The following CNGA1 variants were observed in gnomAD, a reference collection of about 807,000 sequenced individuals.
The protein encoded by CNGA1 is cyclic nucleotide-gated channel alpha-1.
CNGA1 carries 53 observed loss-of-function variants against 69.7 expected under a neutral mutation model. The ratio of observed to expected loss-of-function variants is 0.76; its 90% confidence interval spans 0.61 to 0.96. The LOEUF (loss-of-function observed/expected upper bound fraction) is 0.96. Ranked by LOEUF, CNGA1 falls within the 40% of genes least tolerant of loss-of-function variation. The pLI, the probability that CNGA1 is intolerant of heterozygous loss-of-function variation, is 0.00. For missense variants in CNGA1, 739 were observed against 811.2 expected (o/e 0.91, Z 1.08); for synonymous variants, 249 against 283.5 (o/e 0.88, Z 1.22).
rs554690777 is a variant in CNGA1 at position 48,005,265 on chromosome 4, G to A, written c.-123+5529C>T. 3.0e-3 allele frequency among the ~76,000 whole-genome samples: 455 copies of A among 152,138 alleles called. 1 individual carries two copies. Among genetic ancestry groups the A allele is most frequent in the Non-Finnish European group, 5.0e-3 (339 of 68,000 alleles). On this transcript the variant is annotated intron_variant, in intron 2 of 10. Coordinates refer to ENST00000514170, the MANE Select transcript of CNGA1 (RefSeq NM_001379270.1). ...CCTGAGTAGCTGGGATTACAGGCAT[G>A]TGCCACCACGCCTGGCTAATTTTTG...
chr4:47,992,714 G>T (rs1335532739), intron 2 of CNGA1, among the ~76,000 whole-genome samples: 2 of 151,220 alleles, frequency 1.3e-5, no homozygotes, highest in African/African-American at 2.4e-5. Context: ...CTGGCTAGGA[G>T]TTCCAGTGCT....
At chr4:48,000,795 A>G (rs1027181668) in intron 2 of CNGA1, among the ~76,000 whole-genome samples, 2 of 152,250 alleles carry the variant, frequency 1.3e-5, no homozygotes, top group Non-Finnish European at 2.9e-5. Context: ...ATGTAAGCTT[A>G]GAATATAACA....
In CNGA1 at chr4:47,937,421, A is replaced by C; in HGVS notation, c.1061T>G (p.Leu354Arg). Reference protein sequence around the residue: ...KYVYSLYWSTLTLTTIGETPP... With the variant: ...KYVYSLYWSTRTLTTIGETPP... ...TGTTTCACCAATGGTAGTCAAAGTC[A>C]GTGTAGACCAGTAAAGGCTGTATAC... The change falls in exon 11 of 11, where the codon CTG (leucine) becomes CGG (arginine). Residue 354 changes from leucine (L) to arginine (R), a missense_variant. By Grantham distance (102) the Leu-to-Arg change is moderately radical. Coordinates refer to ENST00000514170, the MANE Select transcript of CNGA1 (RefSeq NM_001379270.1). 1 of 1,614,206 alleles carries C rather than the reference A, an allele frequency of 6.2e-7. No individual in the cohort carries two copies. The highest frequency in any genetic ancestry group is 8.5e-7 in the Non-Finnish European group (1 of 1,180,030).
At chr4:47,957,041 C>A (rs1251998521) in intron 3 of CNGA1, among the ~76,000 whole-genome samples, 1 of 152,150 alleles carries the variant, frequency 6.6e-6, no homozygotes, top group Non-Finnish European at 1.5e-5. Context: ...TCAAGTGATT[C>A]TCCTGCCTTG....
At chr4:47,956,150 T>A (rs1740073653) in intron 3 of CNGA1, among the ~76,000 whole-genome samples, 1 of 152,220 alleles carries the variant, frequency 6.6e-6, no homozygotes, top group South Asian at 2.1e-4. Context: ...GTCAATTAAA[T>A]GCATTTGTAT....
At chr4:47,963,350 C>G (rs2110182265) in intron 3 of CNGA1, among the ~76,000 whole-genome samples, 1 of 152,314 alleles carries the variant, frequency 6.6e-6, no homozygotes, top group Non-Finnish European at 1.5e-5. Context: ...AACCTAGAAG[C>G]AGTTATAATT....
At chr4:47,996,770 C>T (rs1742490137) in intron 2 of CNGA1, among the ~76,000 whole-genome samples, 1 of 151,970 alleles carries the variant, frequency 6.6e-6, no homozygotes, top group Admixed American at 6.6e-5. Context: ...GATTTTAAGT[C>T]TTTTAGGGGC....
chr4:47,970,231 T>A (rs1008569463), intron 3 of CNGA1, among the ~76,000 whole-genome samples: 14 of 152,040 alleles, frequency 9.2e-5, no homozygotes, highest in Admixed American at 5.9e-4. Context: ...TTATGCAGAA[T>A]AACTATGAGG....
At chr4:47,992,135 G>T (rs1056435561) in intron 2 of CNGA1, among the ~76,000 whole-genome samples, 1 of 152,054 alleles carries the variant, frequency 6.6e-6, no homozygotes, top group Non-Finnish European at 1.5e-5. Context: ...GCTTAGTCTT[G>T]CTTTGGCTAT....
intron 3 of CNGA1, among the ~76,000 whole-genome samples, chr4:47,965,634 C>G (rs1037695131): frequency 3.3e-5 from 5 of 151,934 alleles, no homozygotes; most frequent in African/African-American, 1.2e-4. Context: ...ACCATGTTGG[C>G]CAGGCTGGTC....
intron 3 of CNGA1, among the ~76,000 whole-genome samples, chr4:47,973,358 G>A (rs1317943991): frequency 1.8e-4 from 27 of 152,212 alleles, no homozygotes; most frequent in Non-Finnish European, 1.5e-5. Flanking sequence ...TTACAGGCGT[G>A]AACCACCGCG....
At chr4:47,971,862 C>G (rs1389893296) in intron 3 of CNGA1, among the ~76,000 whole-genome samples, 1 of 152,034 alleles carries the variant, frequency 6.6e-6, no homozygotes, top group African/African-American at 2.4e-5. Context: ...CCATTGCACT[C>G]CAGCCTGGGC....
chr4:47,944,979 T>A (rs1739306498), intron 6 of CNGA1, among the ~76,000 whole-genome samples: 1 of 152,104 alleles, frequency 6.6e-6, no homozygotes, highest in African/African-American at 2.4e-5. Flanking sequence ...GGAAGCCTGT[T>A]AGCTAGTTAG....
chr4:47,952,676 A>G lies in CNGA1; in HGVS notation c.14T>C (p.Ile5Thr), dbSNP rs1259820486. 6.2e-7 allele frequency: 1 copy of G among 1,602,676 alleles called. No individual in the cohort carries two copies. The highest frequency in any genetic ancestry group is 1.1e-5 in the South Asian group (1 of 88,770). Residue 5 changes from isoleucine to threonine, a missense_variant, in exon 4 of 11, where the codon ATT becomes ACT. Coordinates refer to ENST00000514170, the MANE Select transcript of CNGA1 (RefSeq NM_001379270.1). ...TACAAAAGACTGCTGTGTATTGATA[A>G]TATTGTTCTTCATGGATAGTTTCAT... MKNN[I>T]INTQQSFVTM...
Position 48,001,473 on chromosome 4 carries a change from A to G in CNGA1, c.-123+9321T>C, listed in dbSNP as rs147118598. ...GACAGAGCAAGACTCTGTTTAAAAA[A>G]ATGCTAATAACACAGCTGATTTAGC... On this transcript the variant is annotated intron_variant, in intron 2 of 10. Transcript: ENST00000514170. Among the ~76,000 whole-genome samples the G allele has an allele frequency of 9.2e-3, 1,395 of 152,336 alleles. 20 individuals carry two copies. The highest frequency in any genetic ancestry group is 0.032 in the African/African-American group (1,324 of 41,562).
chr4:47,980,892 A>AATCCCTTCAGACCACTTATTC (rs1741674925), intron 3 of CNGA1, among the ~76,000 whole-genome samples: 1 of 149,630 alleles, frequency 6.7e-6, no homozygotes, highest in African/African-American at 2.5e-5. Flanking sequence ...CGAGGCACTT[A>AATCCCTTCAGACCACTTATTC]ATCTCTTCAG....
intron 1 of CNGA1, among the ~76,000 whole-genome samples, chr4:48,013,550 A>G (rs1033219559): frequency 6.6e-6 from 1 of 152,206 alleles, no homozygotes; most frequent in Admixed American, 6.5e-5. Context: ...TAAGAGACAA[A>G]TGGTTGCATT....
intron 6 of CNGA1, among the ~76,000 whole-genome samples, chr4:47,944,024 A>G (rs1305909158): frequency 2.0e-5 from 3 of 152,244 alleles, no homozygotes; most frequent in Non-Finnish European, 4.4e-5. Context: ...GCAGGGGAAT[A>G]GATTCTGAAG....
intron 3 of CNGA1, among the ~76,000 whole-genome samples, chr4:47,976,300 TACATATATATATAC>T (rs1466434416): frequency 1.4e-4 from 5 of 36,536 alleles, no homozygotes; most frequent in African/African-American, 5.4e-4. Flanking sequence ...TATATACACA[TACATATATATATAC>T]ATATATATGT....
Sources: allele counts gnomAD v4.1 joint callset (sites outside exome capture counted in the v4.1 genomes callset), GRCh38; gene constraint gnomAD v4.1.1; transcripts MANE v1.5; gene names NCBI Gene and HGNC (gene_info 2026-07-23, HGNC 2026-07-21).